The following PRSS55 variants were observed in gnomAD, a reference collection of about 807,000 sequenced individuals.
The protein encoded by PRSS55 is probable serine protease UNQ9391/PRO34284.
In PRSS55, 41 loss-of-function variants were observed where a neutral mutation model predicts 23.6. That is an observed-to-expected ratio of 1.74 (90% CI 1.35 to 2.26). The LOEUF is 2.26. Among genes scored for constraint, PRSS55 ranks in the 30% most tolerant of loss-of-function variants. The pLI is 0.00. For synonymous variants in PRSS55, 262 were observed against 175.5 expected (o/e 1.49, Z -3.90); for missense variants, 669 against 439.1 (o/e 1.52, Z -4.68).
chr8:10,542,617 C>G (rs1812689506), downstream of PRSS55, among the ~76,000 whole-genome samples: 1 of 151,800 alleles, frequency 6.6e-6, no homozygotes, highest in African/African-American at 2.4e-5. Flanking sequence ...TGTCTAATCC[C>G]AGCACTTTGG....
intron 4 of PRSS55, among the ~76,000 whole-genome samples, chr8:10,545,381 G>A (rs1275551393): frequency 2.0e-5 from 3 of 152,132 alleles, no homozygotes; most frequent in Non-Finnish European, 4.4e-5. Context: ...TTTATGGAGA[G>A]ATGGGGTCTC....
chr8:10,527,007 A>G (rs4566992), intron 1 of PRSS55, among the ~76,000 whole-genome samples: 151,833 of 152,312 alleles, frequency 1, 75,678 homozygotes, highest in Middle Eastern at 1. Flanking sequence ...GACAGAGGGC[A>G]CCCATCATAG....
At chr8:10,542,647 C>A (rs974489305), downstream of PRSS55, among the ~76,000 whole-genome samples, 2 of 151,774 alleles carry the variant, frequency 1.3e-5, 1 homozygote, top group Admixed American at 1.3e-4. Context: ...GCAGGTGGAT[C>A]ACCTGAGTTC....
intron 1 of PRSS55, 27 bp from the exon 2 acceptor site, chr8:10,529,480 C>T (rs1812164113): frequency 1.9e-6 from 3 of 1,611,466 alleles, no homozygotes; most frequent in South Asian, 2.2e-5. Context: ...TTCCCCTTTT[C>T]CTTTCCACTC....
chr8:10,529,367 C>A (rs1414719409), intron 1 of PRSS55, 140 bp from the exon 2 acceptor site: 1 of 840,868 alleles, frequency 1.2e-6, no homozygotes, highest in South Asian at 1.5e-5. Context: ...CCCCGCTCGG[C>A]AGCCTCAGTG....
In PRSS55 at chr8:10,538,813, C is replaced by G. The variant is rs775102096; in HGVS notation, c.*20C>G. ...TACTGATAATAAAATAGAGGCTATT[C>G]TTTCAACCGAGGGAGGGTGCATGCA... is the stretch of plus-strand genomic sequence containing the variant. On this transcript the variant is annotated 3_prime_UTR_variant, in exon 5 of 5. Coordinates refer to ENST00000328655, the MANE Select transcript of PRSS55 (RefSeq NM_198464.4). 3 of 1,529,956 alleles carry G rather than the reference C, an allele frequency of 2.0e-6. No homozygotes were observed. The highest frequency in any genetic ancestry group is 2.6e-5 in the South Asian group (2 of 76,290). 94.8% of individuals were successfully genotyped at this position (1,529,956 alleles called of 1,614,324 possible).
intron 4 of PRSS55, among the ~76,000 whole-genome samples, chr8:10,552,445 G>A (rs1166135220): frequency 6.6e-6 from 1 of 152,172 alleles, no homozygotes; most frequent in Non-Finnish European, 1.5e-5. Context: ...AAACTAAGAA[G>A]CTTCTACACA....
At chr8:10,540,335 G>C (rs1043215033), downstream of PRSS55, 1 of 152,284 alleles carries the variant, frequency 6.6e-6, no homozygotes, top group African/African-American at 2.4e-5. Context: ...GGCAAATTCA[G>C]GAAATGCAAA....
chr8:10,539,003 A>C (rs1047570117), downstream of PRSS55, among the ~76,000 whole-genome samples: 2 of 151,960 alleles, frequency 1.3e-5, no homozygotes, highest in African/African-American at 4.8e-5. Context: ...ACAGTCACCT[A>C]ATTCTGACTG....
intron 4 of PRSS55, among the ~76,000 whole-genome samples, chr8:10,535,800 T>C (rs1040977260): frequency 1.3e-5 from 2 of 152,190 alleles, no homozygotes; most frequent in African/African-American, 4.8e-5. Context: ...GAGAAAATAT[T>C]TGCAAACTAT....
At chr8:10,534,361 C>A (rs757092071) in intron 4 of PRSS55, among the ~76,000 whole-genome samples, 1 of 152,162 alleles carries the variant, frequency 6.6e-6, no homozygotes, top group African/African-American at 2.4e-5. Context: ...GACCAGAAAA[C>A]ATTAACTGTC....
intron 4 of PRSS55, among the ~76,000 whole-genome samples, chr8:10,546,259 T>C (rs934416519): frequency 2.6e-5 from 4 of 152,108 alleles, no homozygotes; most frequent in African/African-American, 9.7e-5. Context: ...GCTGTAACGA[T>C]GCAGAAAAAA....
At chr8:10,545,945 C>G (rs995035950) in intron 4 of PRSS55, among the ~76,000 whole-genome samples, 1 of 152,188 alleles carries the variant, frequency 6.6e-6, no homozygotes, top group Non-Finnish European at 1.5e-5. Flanking sequence ...GAATGCTGGG[C>G]CCCTCCCTGC....
Position 10,532,972 on chromosome 8 carries a change from G to A in PRSS55, c.665G>A (p.Cys222Tyr). 1 of 1,614,208 alleles carries A rather than the reference G, an allele frequency of 6.2e-7. No individual in the cohort carries two copies. The highest frequency in any genetic ancestry group is 8.5e-7 in the Non-Finnish European group (1 of 1,180,026). Residue 222 changes from cysteine to tyrosine, a missense_variant, in exon 4 of 5, where the codon TGT becomes TAT. Physicochemically the swap from Cys to Tyr is radical, Grantham distance 194 (BLOSUM62 -2). Transcript: ENST00000328655. ...APMVIMDWEE[C>Y]SKMFPKLTKN... ...ATGGTCATCATGGACTGGGAGGAGT[G>A]TTCAAAGATGTTTCCAAAACTTACC...
chr8:10,528,744 G>C (rs77707746), intron 1 of PRSS55, among the ~76,000 whole-genome samples: 2,672 of 152,318 alleles, frequency 0.018, 89 homozygotes, highest in African/African-American at 0.061. Flanking sequence ...TTATCCTACA[G>C]TACTGTGGGA....
chr8:10,537,012 T>C (rs1360046095), intron 4 of PRSS55, among the ~76,000 whole-genome samples: 1 of 152,172 alleles, frequency 6.6e-6, no homozygotes, highest in Non-Finnish European at 1.5e-5. Flanking sequence ...ATGTACCCTA[T>C]GAACGTAAAA....
At chr8:10,540,097 G>A (rs547263868), downstream of PRSS55, among the ~76,000 whole-genome samples, 5 of 152,208 alleles carry the variant, frequency 3.3e-5, no homozygotes, top group South Asian at 6.2e-4. Context: ...CAGCCCCTCC[G>A]AGTTGCTTGC....
At chr8:10,529,464 A>G in intron 1 of PRSS55, 43 bp from the exon 2 acceptor site, 1 of 1,590,918 alleles carries the variant, frequency 6.3e-7, no homozygotes, top group Non-Finnish European at 8.6e-7. Context: ...GATGCTGACT[A>G]AGTGTTTCCC....
downstream of PRSS55, among the ~76,000 whole-genome samples, chr8:10,542,218 T>C (rs1191933803): frequency 6.6e-6 from 1 of 152,068 alleles, no homozygotes; most frequent in Non-Finnish European, 1.5e-5. Flanking sequence ...TCACACAGTG[T>C]AGTGTGTAAA....
Sources: allele counts gnomAD v4.1 joint callset (sites outside exome capture counted in the v4.1 genomes callset), GRCh38; gene constraint gnomAD v4.1.1; transcripts MANE v1.5; gene names NCBI Gene and HGNC (gene_info 2026-07-23, HGNC 2026-07-21).